Variants in SEMA3A observed in about 807,000 individuals in gnomAD.
SEMA3A encodes the protein semaphorin-3A.
In SEMA3A, 29 loss-of-function variants were observed where a neutral mutation model predicts 97.9. The ratio of observed to expected loss-of-function variants is 0.30; its 90% confidence interval spans 0.22 to 0.40. The LOEUF (loss-of-function observed/expected upper bound fraction) is 0.40. Among genes scored for constraint, SEMA3A ranks in the 10% least tolerant of loss-of-function variants. The pLI is 1.00. For missense variants in SEMA3A, 763 were observed against 951.3 expected, an observed-to-expected ratio of 0.80 and a Z score of 2.60; for synonymous variants, 321 against 323.7, an observed-to-expected ratio of 0.99 and a Z score of 0.09.
intron 4 of SEMA3A, among the ~76,000 whole-genome samples, chr7:84,065,739 G>A (rs4481512): frequency 0.4 from 60,469 of 151,492 alleles, 13,769 homozygotes; most frequent in African/African-American, 0.63. Context: ...GAATCTCTGA[G>A]TAGACCAATA....
intron 1 of SEMA3A, among the ~76,000 whole-genome samples, chr7:84,172,987 A>G (rs551097575): frequency 3.9e-4 from 60 of 152,304 alleles, no homozygotes; most frequent in African/African-American, 1.3e-3. Flanking sequence ...AATCCATTCA[A>G]TGACAGAATT....
chr7:84,156,952 T>C lies in SEMA3A; in HGVS notation c.113-22001A>G, dbSNP rs1297762934. Among the ~76,000 whole-genome samples, 4 of 152,174 alleles carry C rather than the reference T, an allele frequency of 2.6e-5. 1 individual carries two copies. The highest frequency in any genetic ancestry group is 5.9e-5 in the Non-Finnish European group (4 of 68,024). On this transcript the variant is annotated intron_variant, in intron 1 of 16. Coordinates refer to ENST00000265362, the MANE Select transcript of SEMA3A (RefSeq NM_006080.3). ...ATCATGGCCATGCTTGAAATGTCTA[T>C]TATTCATGCCAGCACTGATTTAAAA...
rs924313078 is a variant in SEMA3A, at chr7:84,481,325, A to G, written c.-246+11135T>C. On this transcript the variant is annotated intron_variant, in intron 1 of 3. Transcript: ENST00000424555. ...GCTGCAAAGGGTGGGACTAAACCTA[A>G]TTAAAAATGAACATTATTTCAAAGC... 3.3e-5 allele frequency among the ~76,000 whole-genome samples: 5 copies of G among 152,324 alleles called. No homozygotes were observed. In the East Asian group the frequency reaches 7.7e-4, roughly 24 times the overall value.
intron 4 of SEMA3A, among the ~76,000 whole-genome samples, chr7:84,099,797 T>C (rs370435128): frequency 1.2e-4 from 18 of 152,134 alleles, no homozygotes; most frequent in East Asian, 9.6e-4. Context: ...AGTATCAGAA[T>C]AGGGTCTTAT....
At chr7:84,225,118 C>T (rs1277618114) in intron 3 of SEMA3A, among the ~76,000 whole-genome samples, 1 of 152,028 alleles carries the variant, frequency 6.6e-6, no homozygotes, top group African/African-American at 2.4e-5. Flanking sequence ...ATTTATTTTT[C>T]TAATTGGTTA....
chr7:84,178,411 C>T (rs956548111), intron 1 of SEMA3A, among the ~76,000 whole-genome samples: 1 of 151,926 alleles, frequency 6.6e-6, no homozygotes, highest in Admixed American at 6.6e-5. Flanking sequence ...ACATTTTTAA[C>T]AGGCACTGTC....
chr7:84,151,173 A>C (rs971109414), intron 1 of SEMA3A, among the ~76,000 whole-genome samples: 18 of 151,974 alleles, frequency 1.2e-4, no homozygotes, highest in South Asian at 4.2e-4. Flanking sequence ...AACTCTAAAA[A>C]TCAGAGCGCC....
At chr7:84,191,448 T>C (rs934876565) in intron 1 of SEMA3A, among the ~76,000 whole-genome samples, 2 of 151,690 alleles carry the variant, frequency 1.3e-5, no homozygotes, top group East Asian at 3.9e-4. Context: ...CCCCTTACAT[T>C]GGATGATGGA....
intron 2 of SEMA3A, among the ~76,000 whole-genome samples, chr7:84,313,897 G>C (rs1801430740): frequency 1.3e-5 from 2 of 151,756 alleles, no homozygotes; most frequent in African/African-American, 4.8e-5. Flanking sequence ...TTAACAATAG[G>C]CTTTCATTCT....
chr7:84,080,258 T>C (rs10263515), intron 4 of SEMA3A, among the ~76,000 whole-genome samples: 56,486 of 141,730 alleles, frequency 0.4, 13,468 homozygotes, highest in African/African-American at 0.67. Flanking sequence ...TGCTGAATGA[T>C]GAGTTAATGG....
chr7:84,295,018 G>C (rs1562890131), intron 3 of SEMA3A, among the ~76,000 whole-genome samples: 1 of 151,936 alleles, frequency 6.6e-6, no homozygotes, highest in Non-Finnish European at 1.5e-5. Flanking sequence ...AGTTTTTAAT[G>C]TTAATTTTTC....
At chr7:84,312,921 T>TACACACACAC (rs1323561552) in intron 2 of SEMA3A, among the ~76,000 whole-genome samples, 336 of 32,756 alleles carry the variant, frequency 0.01, 3 homozygotes, top group South Asian at 0.027. Context: ...TATATATATA[T>TACACACACAC]ACACACACAC....
rs1041235415 is a variant in SEMA3A at position 84,320,748 on chromosome 7, T to C, written c.-168-13456A>G. Among the ~76,000 whole-genome samples, 4 of 152,246 alleles carry C rather than the reference T, an allele frequency of 2.6e-5. No homozygotes were observed. In the East Asian group the frequency reaches 5.8e-4, roughly 22 times the overall value. ...GCAATTATTATACAATGTGGGATTG[T>C]CATGATGTAGTGAGAGAGCAGGAGA... is the stretch of plus-strand genomic sequence containing the variant. On this transcript the variant is annotated intron_variant, in intron 2 of 3. Coordinates refer to the SEMA3A transcript ENST00000424555.
At chr7:84,404,530 G>A (rs1804013132) in intron 1 of SEMA3A, among the ~76,000 whole-genome samples, 1 of 152,018 alleles carries the variant, frequency 6.6e-6, no homozygotes, top group Non-Finnish European at 1.5e-5. Flanking sequence ...TTCAAATTCA[G>A]GAAACACAGA....
intron 3 of SEMA3A, among the ~76,000 whole-genome samples, chr7:84,221,656 G>C (rs1273105943): frequency 3.3e-5 from 5 of 152,120 alleles, no homozygotes; most frequent in Non-Finnish European, 7.4e-5. Context: ...GAGAGGGTGA[G>C]AGATGAGGAA....
chr7:83,995,766 C>A, intron 12 of SEMA3A, among the ~76,000 whole-genome samples: 1 of 152,236 alleles, frequency 6.6e-6, no homozygotes, highest in South Asian at 2.1e-4. Flanking sequence ...CAATTTTTTT[C>A]AGATACTTTA....
At chr7:84,199,788 C>G (rs537390814), upstream of SEMA3A, among the ~76,000 whole-genome samples, 1 of 152,130 alleles carries the variant, frequency 6.6e-6, no homozygotes, top group African/African-American at 2.4e-5. Context: ...AGAAGACACT[C>G]TATTAATTGG....
intron 1 of SEMA3A, among the ~76,000 whole-genome samples, chr7:84,398,748 C>A (rs1388065179): frequency 6.6e-6 from 1 of 151,756 alleles, no homozygotes; most frequent in Middle Eastern, 3.2e-3. Context: ...TTTAAGGCTG[C>A]AAAGAGGTAT....
chr7:84,362,846 G>T (rs1246875727), intron 2 of SEMA3A, among the ~76,000 whole-genome samples: 2 of 151,874 alleles, frequency 1.3e-5, no homozygotes, highest in Non-Finnish European at 2.9e-5. Flanking sequence ...ATAGGACTAT[G>T]GGCTACTCCA....
Sources: allele counts gnomAD v4.1 joint callset (sites outside exome capture counted in the v4.1 genomes callset), GRCh38; gene constraint gnomAD v4.1.1; transcripts MANE v1.5; gene names NCBI Gene and HGNC (gene_info 2026-07-23, HGNC 2026-07-21).